The following ALDH1A2 variants were observed in gnomAD, a reference collection of about 807,000 sequenced individuals.
ALDH1A2 encodes retinal dehydrogenase 2.
Under a neutral mutation model 60.3 loss-of-function variants are expected in ALDH1A2, and 27 were observed. The observed-to-expected ratio is 0.45, with a 90% confidence interval of 0.33 to 0.62. The LOEUF is 0.62. Among genes scored for constraint, ALDH1A2 ranks in the 20% least tolerant of loss-of-function variants. The pLI is 0.02. For missense variants in ALDH1A2, 581 were observed against 643.8 expected (o/e 0.90, Z 1.06); for synonymous variants, 289 against 232.4 (o/e 1.24, Z -2.21).
In ALDH1A2 at chr15:58,065,618, C is replaced by T. The variant is rs1897157446; in HGVS notation, c.33G>A (p.Glu11=). The T allele has an allele frequency of 1.2e-6, 2 of 1,607,858 alleles. No homozygotes were observed. The highest frequency in any genetic ancestry group is 2.2e-5 in the East Asian group (1 of 44,782). MTSSKIEMPG[E]VKADPAALMA... ...TGAGGGCGGCGGGGTCGGCCTTCAC[C>T]TCGCCGGGCATCTCTATCTTGCTGG... is the stretch of plus-strand genomic sequence containing the variant. Residue 11 remains glutamate, a synonymous_variant, in exon 1 of 13, where the codon GAG becomes GAA. Transcript: ENST00000249750.
At chr15:57,981,418 G>C (rs369153162) in intron 7 of ALDH1A2, among the ~76,000 whole-genome samples, 16 of 152,176 alleles carry the variant, frequency 1.1e-4, no homozygotes, top group Admixed American at 6.5e-4. Flanking sequence ...AAAGCTGCCA[G>C]AGGAGAGCAG....
chr15:58,031,526 G>C (rs962983552), intron 1 of ALDH1A2, among the ~76,000 whole-genome samples: 1 of 152,088 alleles, frequency 6.6e-6, no homozygotes, highest in Non-Finnish European at 1.5e-5. Flanking sequence ...GATTTAATTA[G>C]ACTAAAGAGC....
intron 1 of ALDH1A2, among the ~76,000 whole-genome samples, chr15:58,022,517 T>C (rs1895956598): frequency 6.6e-6 from 1 of 152,108 alleles, no homozygotes; most frequent in Non-Finnish European, 1.5e-5. Context: ...GGTCCACTGC[T>C]GCCACTACCT....
chr15:57,990,129 GAACA>G (rs535147801), intron 7 of ALDH1A2: 2 of 151,642 alleles, frequency 1.3e-5, no homozygotes, highest in African/African-American at 4.8e-5. Flanking sequence ...AAAAAGCAAA[GAACA>G]AACATATTTT....
At chr15:58,004,117 T>C (rs903208900) in intron 4 of ALDH1A2, among the ~76,000 whole-genome samples, 4 of 151,878 alleles carry the variant, frequency 2.6e-5, no homozygotes, top group Non-Finnish European at 5.9e-5. Context: ...TGCTCAAAAG[T>C]GGTCATGAGA....
intron 6 of ALDH1A2, 24 bp downstream of exon 6, chr15:57,992,921 A>G (rs531974410): frequency 6.2e-7 from 1 of 1,613,900 alleles, no homozygotes; most frequent in East Asian, 2.2e-5. Flanking sequence ...AGTCAGAAGC[A>G]CTCCCGAAGT....
chr15:57,961,092 C>G (rs1566928517), intron 11 of ALDH1A2, 45 bp downstream of exon 11: 2 of 1,609,420 alleles, frequency 1.2e-6, no homozygotes, highest in East Asian at 4.5e-5. Context: ...ACCCTGGTCC[C>G]TATACCACCA....
chr15:58,013,827 T>G (rs1296101289), intron 3 of ALDH1A2, 31 bp downstream of exon 3: 1 of 1,613,882 alleles, frequency 6.2e-7, no homozygotes, highest in Non-Finnish European at 8.5e-7. Flanking sequence ...AAATGTGGGT[T>G]AAAGACTTAA....
intron 7 of ALDH1A2, among the ~76,000 whole-genome samples, chr15:57,986,821 C>A (rs1478954354): frequency 1.3e-5 from 2 of 152,002 alleles, no homozygotes; most frequent in African/African-American, 4.8e-5. Flanking sequence ...TACAGGTGTG[C>A]AACACCACGC....
intron 4 of ALDH1A2, among the ~76,000 whole-genome samples, chr15:58,004,213 T>A (rs1895370803): frequency 6.6e-6 from 1 of 151,896 alleles, no homozygotes; most frequent in Non-Finnish European, 1.5e-5. Context: ...TCTCTCTAAC[T>A]GATTATCCAT....
chr15:57,996,533 C>T (rs33960206), intron 4 of ALDH1A2, among the ~76,000 whole-genome samples: 18 of 147,026 alleles, frequency 1.2e-4, no homozygotes, highest in Admixed American at 6.8e-4. Context: ...AAAGCTAGGA[C>T]GTCTTTTTAG....
chr15:58,033,069 A>T (rs1896288009), intron 1 of ALDH1A2, among the ~76,000 whole-genome samples: 1 of 152,014 alleles, frequency 6.6e-6, no homozygotes, highest in African/African-American at 2.4e-5. Context: ...GGATACCTAT[A>T]GTAAGATAGA....
chr15:58,043,888 C>T (rs111731951), intron 1 of ALDH1A2, among the ~76,000 whole-genome samples: 2,543 of 152,064 alleles, frequency 0.017, 31 homozygotes, highest in Middle Eastern at 0.051. Context: ...TAGGAAGAGA[C>T]AGATTCACAG....
intron 3 of ALDH1A2, among the ~76,000 whole-genome samples, chr15:58,012,367 G>T (rs1268339688): frequency 3.3e-5 from 5 of 151,732 alleles, no homozygotes; most frequent in Non-Finnish European, 5.9e-5. Context: ...ACCAAAAAAA[G>T]GTAAAATACA....
At position 58,027,667 on chromosome 15, in the gene ALDH1A2, T is replaced by C. The variant is rs528554159; in HGVS notation, c.118-13386A>G. On this transcript the variant is annotated intron_variant, in intron 1 of 12. Transcript: ENST00000249750. ...AAAACCTTGAAAAAGGTTAGATGAA[T>C]GGCTAACTAGAATAAACAGTGTAGA... Among the ~76,000 whole-genome samples, 72 of 152,206 alleles carry C rather than the reference T, an allele frequency of 4.7e-4. 2 individuals carry two copies. The South Asian group carries it at 0.014, about 30-fold the overall frequency.
intron 7 of ALDH1A2, among the ~76,000 whole-genome samples, chr15:57,990,825 A>G (rs1471901712): frequency 6.7e-6 from 1 of 148,846 alleles, no homozygotes; most frequent in African/African-American, 2.5e-5. Flanking sequence ...GCTGTGAGAC[A>G]AGATTGTGCC....
intron 7 of ALDH1A2, among the ~76,000 whole-genome samples, chr15:57,981,601 C>T (rs768633724): frequency 6.6e-6 from 1 of 152,070 alleles, no homozygotes; most frequent in Non-Finnish European, 1.5e-5. Flanking sequence ...TGGAAGAAGA[C>T]ATGAAATAAC....
intron 7 of ALDH1A2, among the ~76,000 whole-genome samples, chr15:57,972,570 T>TAA (rs1894106936): frequency 6.7e-6 from 1 of 150,100 alleles, no homozygotes; most frequent in African/African-American, 2.4e-5. Context: ...GGGAGAAAGC[T>TAA]AACTGCAGAA....
chr15:58,004,823 A>G (rs1895397993), intron 4 of ALDH1A2, among the ~76,000 whole-genome samples: 1 of 150,100 alleles, frequency 6.7e-6, no homozygotes, highest in African/African-American at 2.5e-5. Flanking sequence ...ACAATATTTA[A>G]TTAAGGAGGT....
Sources: allele counts gnomAD v4.1 joint callset (sites outside exome capture counted in the v4.1 genomes callset), GRCh38; gene constraint gnomAD v4.1.1; transcripts MANE v1.5; gene names NCBI Gene and HGNC (gene_info 2026-07-23, HGNC 2026-07-21).